Variants in GALNT18 observed in about 807,000 individuals in gnomAD.
GALNT18 encodes the protein polypeptide N-acetylgalactosaminyltransferase 18, also known as GalNAc-transferase 18.
A neutral mutation model predicts 69.5 loss-of-function variants in GALNT18; 44 were observed. That is an observed-to-expected ratio of 0.63 (90% CI 0.50 to 0.81). The LOEUF is 0.81. Ranked by LOEUF, GALNT18 falls within the 40% of genes least tolerant of loss-of-function variation. The pLI is 0.00. For missense variants in GALNT18, 715 were observed against 810.0 expected, an observed-to-expected ratio of 0.88 and a Z score of 1.42; for synonymous variants, 364 against 318.2, an observed-to-expected ratio of 1.14 and a Z score of -1.53.
Position 11,546,705 on chromosome 11 carries a change from T to C in GALNT18, c.235+74654A>G, listed in dbSNP as rs1248862234. Among the ~76,000 whole-genome samples, 1 of 152,202 alleles carries C rather than the reference T, an allele frequency of 6.6e-6. No individual in the cohort carries two copies. The highest frequency in any genetic ancestry group is 1.5e-5 in the Non-Finnish European group (1 of 68,044). On this transcript the variant is annotated intron_variant, in intron 1 of 10. Transcript: ENST00000227756. The surrounding 1 kb of genome is among the most constrained non-coding windows in gnomAD (Gnocchi z 5.8). The stretch of plus-strand genomic sequence containing the variant: ...CACCTATTCCTCAAACAGGCCTTGG[T>C]ATCTACTGCAGTAGATACCCCGAAT...
rs958597519 is a variant in GALNT18 at position 11,465,314 on chromosome 11, G to A, written c.236-16378C>T. On this transcript the variant is annotated intron_variant, in intron 1 of 10. Coordinates refer to ENST00000227756, the MANE Select transcript of GALNT18 (RefSeq NM_198516.3). This position sits in a 1 kb window ranked among gnomAD's most constrained non-coding sequence, Gnocchi z 5.7. ...TCCCCTGAGACTGGGGAGTTGGGTGGGCAGGGTCATCCATCACACTGTGTA... is the reference window on the plus strand; with the variant it reads ...TCCCCTGAGACTGGGGAGTTGGGTGAGCAGGGTCATCCATCACACTGTGTA... Among the ~76,000 whole-genome samples the A allele has an allele frequency of 1.3e-5, 2 of 152,084 alleles. No individual in the cohort carries two copies. Among genetic ancestry groups the A allele is most frequent in the African/African-American group, 4.8e-5 (2 of 41,396 alleles).
chr11:11,403,772 G>A (rs1854521406), intron 3 of GALNT18, among the ~76,000 whole-genome samples: 1 of 152,168 alleles, frequency 6.6e-6, no homozygotes, highest in South Asian at 2.1e-4. Context: ...TAACTGCTGT[G>A]CCAACTCTCC....
At position 11,377,347 on chromosome 11, in the gene GALNT18, T is replaced by C. The variant is rs778710621; in HGVS notation, c.812A>G (p.Asn271Ser). 6 of 1,613,942 alleles carry C rather than the reference T, an allele frequency of 3.7e-6. No homozygotes were observed. In the South Asian group the frequency reaches 6.6e-5, roughly 18 times the overall value. ...GGATGGCGAGATGATCCGCTTCCGGTTCTCCTTGATGCGGGTGAGTACAGG... is the reference window on the plus strand; with the variant it reads ...GGATGGCGAGATGATCCGCTTCCGGCTCTCCTTGATGCGGGTGAGTACAGG... The part of the protein sequence containing the change: ...AEPVLTRIKE[N>S]RKRIISPSFD... Residue 271 changes from asparagine (N) to serine (S), a missense_variant, in exon 5 of 11, where the codon AAC becomes AGC. Coordinates refer to ENST00000227756, the MANE Select transcript of GALNT18 (RefSeq NM_198516.3). This position sits in a 1 kb window ranked among gnomAD's most constrained non-coding sequence, Gnocchi z 4.6.
Position 11,590,762 on chromosome 11 carries a change from T to G in GALNT18, c.235+30597A>C, listed in dbSNP as rs1184892242. Among the ~76,000 whole-genome samples, 1 of 152,152 alleles carries G rather than the reference T, an allele frequency of 6.6e-6. No homozygotes were observed. Among genetic ancestry groups the G allele is most frequent in the Non-Finnish European group, 1.5e-5 (1 of 68,028 alleles). ...CAAAAATTCCTATTGCCTAGTAACA[T>G]CACAGCCATCCTTATGTCACAGCAC... On this transcript the variant is annotated intron_variant, in intron 1 of 10. Coordinates refer to ENST00000227756, the MANE Select transcript of GALNT18 (RefSeq NM_198516.3). The surrounding 1 kb of genome is among the most constrained non-coding windows in gnomAD (Gnocchi z 4.4).
intron 6 of GALNT18, chr11:11,352,953 G>T (rs765832767): frequency 6.2e-7 from 1 of 1,614,018 alleles, no homozygotes; most frequent in Non-Finnish European, 8.5e-7. Flanking sequence ...GATGTTGATG[G>T]CTTCAAATAC....
chr11:11,377,887 C>T lies in GALNT18; in HGVS notation c.780-508G>A, dbSNP rs776135254. Among the ~76,000 whole-genome samples the T allele has an allele frequency of 4.6e-5, 7 of 152,132 alleles. No homozygotes were observed. Among genetic ancestry groups the T allele is most frequent in the African/African-American group, 9.7e-5 (4 of 41,416 alleles). On this transcript the variant is annotated intron_variant, in intron 4 of 10. Transcript: ENST00000227756. This position sits in a 1 kb window ranked among gnomAD's most constrained non-coding sequence, Gnocchi z 4.6. ...CCCTGGAATGCCAGCTGTGCCACAT[C>T]CACCCCCCAAAGCGTTTCCCAACCA...
chr11:11,420,157 C>G (rs1017148405), intron 3 of GALNT18, among the ~76,000 whole-genome samples: 12 of 152,014 alleles, frequency 7.9e-5, no homozygotes, highest in African/African-American at 2.7e-4. Flanking sequence ...ACAAACCTCC[C>G]TCACCAAAAC....
rs914852467 is a variant in GALNT18, at chr11:11,598,175, CAAATTACTATAATCTATAAT to C, written c.235+23164_235+23183del. On this transcript the variant is annotated intron_variant, in intron 1 of 10. Coordinates refer to ENST00000227756, the MANE Select transcript of GALNT18 (RefSeq NM_198516.3). The surrounding 1 kb of genome is among the most constrained non-coding windows in gnomAD (Gnocchi z 4.8). Reference sequence around the variant, plus strand: ...TTCTTAAGGTTGCAGTAATCTATAACAAATTACTATAATCTATAATAAATTACTATAATCTATAATAATCT... The same window carrying C: ...TTCTTAAGGTTGCAGTAATCTATAACAAATTACTATAATCTATAATAATCT... 7.9e-5 allele frequency among the ~76,000 whole-genome samples: 12 copies of C among 152,114 alleles called. No homozygotes were observed. Among genetic ancestry groups the C allele is most frequent in the African/African-American group, 2.6e-4 (11 of 41,532 alleles).
chr11:11,319,509 T>C (rs1424677938), intron 9 of GALNT18, among the ~76,000 whole-genome samples: 2 of 152,142 alleles, frequency 1.3e-5, no homozygotes, highest in East Asian at 1.9e-4. Flanking sequence ...ACATGGAGAA[T>C]GTCATGTGAA....
At position 11,613,919 on chromosome 11, in the gene GALNT18, T is replaced by C. The variant is rs1280269139; in HGVS notation, c.235+7440A>G. Among the ~76,000 whole-genome samples the C allele has an allele frequency of 5.3e-5, 8 of 152,170 alleles. No homozygotes were observed. The highest frequency in any genetic ancestry group is 1.7e-4 in the African/African-American group (7 of 41,440). ...CCACCATGCTGCCTTCTGGTTACATTTATCACTCACATTCAGCCGGGTTTT... is the reference window on the plus strand; with the variant it reads ...CCACCATGCTGCCTTCTGGTTACATCTATCACTCACATTCAGCCGGGTTTT... On this transcript the variant is annotated intron_variant, in intron 1 of 10. Transcript: ENST00000227756. The surrounding 1 kb of genome is among the most constrained non-coding windows in gnomAD (Gnocchi z 4.2).
At chr11:11,488,715 A>ATCTGATCCAAGCTTCTTTTCTCC (rs1419680791) in intron 1 of GALNT18, among the ~76,000 whole-genome samples, 1 of 152,134 alleles carries the variant, frequency 6.6e-6, no homozygotes, top group African/African-American at 2.4e-5. Flanking sequence ...AGTCTGGTCT[A>ATCTGATCCAAGCTTCTTTTCTCC]TCTGATCCAA....
intron 10 of GALNT18, among the ~76,000 whole-genome samples, chr11:11,287,313 G>T (rs910849916): frequency 4.6e-5 from 7 of 152,192 alleles, no homozygotes; most frequent in Non-Finnish European, 8.8e-5. Context: ...CCTAAAGCAA[G>T]AATCTCTTCA....
Position 11,594,923 on chromosome 11 carries a change from G to A in GALNT18, c.235+26436C>T, listed in dbSNP as rs115158082. ...ACACAGATACAAAATATGCGTGTGT[G>A]TATATATATATATAATCTCCAAGAA... On this transcript the variant is annotated intron_variant, in intron 1 of 10. Coordinates refer to ENST00000227756, the MANE Select transcript of GALNT18 (RefSeq NM_198516.3). 3.2e-4 allele frequency among the ~76,000 whole-genome samples: 39 copies of A among 121,018 alleles called. No homozygotes were observed. The East Asian group carries it at 8.7e-3, about 27-fold the overall frequency. The allele number at this position is 121,018 out of a possible 152,430, so 79.4% of individuals were successfully genotyped here. A position where few individuals can be genotyped will look rare whatever the true frequency, so the allele number is the denominator to read the frequency against.
intron 1 of GALNT18, among the ~76,000 whole-genome samples, chr11:11,594,854 C>T (rs867840002): frequency 1.0e-4 from 13 of 130,388 alleles, no homozygotes; most frequent in African/African-American, 3.1e-4. Context: ...CATATACATA[C>T]ATACACACAC....
chr11:11,320,411 A>G lies in GALNT18; in HGVS notation c.1512+6675T>C, dbSNP rs772565146. Among the ~76,000 whole-genome samples the G allele has an allele frequency of 1.8e-4, 28 of 152,166 alleles. No individual in the cohort carries two copies. Among genetic ancestry groups the G allele is most frequent in the Non-Finnish European group, 2.5e-4 (17 of 68,028 alleles). On this transcript the variant is annotated intron_variant, in intron 9 of 10. Transcript: ENST00000227756. This position sits in a 1 kb window ranked among gnomAD's most constrained non-coding sequence, Gnocchi z 4.9. ...ACCTTCCCAAAGCTCTCCTTGTCCT[A>G]TGTGGCCATGGTAACAATAAAGATC...
chr11:11,301,142 C>A (rs140562440), intron 9 of GALNT18, among the ~76,000 whole-genome samples: 10 of 152,314 alleles, frequency 6.6e-5, no homozygotes, highest in African/African-American at 1.2e-4. Flanking sequence ...GCCTCACCCT[C>A]TCATCTCTGT....
chr11:11,595,297 G>A lies in GALNT18; in HGVS notation c.235+26062C>T, dbSNP rs904173624. On this transcript the variant is annotated intron_variant, in intron 1 of 10. Coordinates refer to ENST00000227756, the MANE Select transcript of GALNT18 (RefSeq NM_198516.3). This position sits in a 1 kb window ranked among gnomAD's most constrained non-coding sequence, Gnocchi z 5.2. ...AATGGAATTAGAGCCTTTTTATAAA[G>A]AGGGCTCAGGGAGCTAGTTAGCCCC... Among the ~76,000 whole-genome samples, 19 of 152,202 alleles carry A rather than the reference G, an allele frequency of 1.2e-4. No homozygotes were observed. Among genetic ancestry groups the A allele is most frequent in the African/African-American group, 4.1e-4 (17 of 41,522 alleles).
chr11:11,448,227 T>A (rs1855704967), intron 2 of GALNT18, among the ~76,000 whole-genome samples: 1 of 152,134 alleles, frequency 6.6e-6, no homozygotes, highest in Admixed American at 6.5e-5. Context: ...CAAAAATTAA[T>A]GAGATTTTCT....
rs1432027418 is a variant in GALNT18 at position 11,402,462 on chromosome 11, C to A, written c.596-23198G>T. ...TGGCTTCCTCTGATCTGCTGCCATG[C>A]TGGGCAGAACTTTTCAGCAACAAAA... On this transcript the variant is annotated intron_variant, in intron 3 of 10. Transcript: ENST00000227756. The surrounding 1 kb of genome is among the most constrained non-coding windows in gnomAD (Gnocchi z 4.0). Among the ~76,000 whole-genome samples the A allele has an allele frequency of 6.6e-6, 1 of 152,232 alleles. No individual in the cohort carries two copies. Among genetic ancestry groups the A allele is most frequent in the Non-Finnish European group, 1.5e-5 (1 of 68,050 alleles).
Sources: allele counts gnomAD v4.1 joint callset (sites outside exome capture counted in the v4.1 genomes callset), GRCh38; gene constraint gnomAD v4.1.1; non-coding constraint Gnocchi (gnomAD v3.1); transcripts MANE v1.5; gene names NCBI Gene and HGNC (gene_info 2026-07-23, HGNC 2026-07-21).